The following CEP112 variants were observed in gnomAD, a reference collection of about 807,000 sequenced individuals.
CEP112 encodes centrosomal protein of 112 kDa.
CEP112 carries 127 observed loss-of-function variants against 153.0 expected under a neutral mutation model. The observed-to-expected ratio is 0.83, with a 90% CI of 0.72 to 0.96. The LOEUF (loss-of-function observed/expected upper bound fraction) is 0.96, where lower values mean the gene tolerates loss of function less well. Ranked by LOEUF, CEP112 falls within the 40% of genes least tolerant of loss-of-function variation. CEP112 has a pLI of 0.00. For synonymous variants in CEP112, 358 were observed against 374.4 expected (o/e 0.96, Z 0.51); for missense variants, 1,089 against 1,101.2 (o/e 0.99, Z 0.16).
At chr17:65,730,833 G>C (rs568065112) in intron 23 of CEP112, among the ~76,000 whole-genome samples, 7 of 139,818 alleles carry the variant, frequency 5.0e-5, no homozygotes, top group African/African-American at 1.9e-4. Flanking sequence ...ACTGGCAGCT[G>C]ACCTTGTCTT....
rs1745701991 is a variant in CEP112 at position 66,191,668 on chromosome 17, G to A, written c.-9+329C>T. On this transcript the variant is annotated intron_variant, in intron 1 of 26. Transcript: ENST00000535342. The surrounding 1 kb of genome is among the most constrained non-coding windows in gnomAD (Gnocchi z 4.2). ...CAGGCCGCGCTCCTACCTTGTCCAG[G>A]ACACAGATTTCCTCTCCCAGTCGCA... The A allele has an allele frequency of 6.5e-6, 1 of 153,060 alleles. No individual in the cohort carries two copies. Among genetic ancestry groups the A allele is most frequent in the Non-Finnish European group, 1.5e-5 (1 of 68,362 alleles). 9.5% of individuals were successfully genotyped at this position (153,060 alleles called of 1,614,324 possible). A position where few individuals can be genotyped will look rare whatever the true frequency, so the allele number is the denominator to read the frequency against.
At chr17:65,857,837 T>C (rs1298249023) in intron 20 of CEP112, among the ~76,000 whole-genome samples, 2 of 152,244 alleles carry the variant, frequency 1.3e-5, no homozygotes, top group African/African-American at 2.4e-5. Context: ...GTTTCTTAAA[T>C]ATTTAGTGGA....
chr17:65,637,325 G>A (rs1484648532), intron 25 of CEP112, 137 bp from the exon 26 acceptor site: 18 of 677,364 alleles, frequency 2.7e-5, no homozygotes, highest in Non-Finnish European at 4.5e-5. Context: ...TGTCAATGTT[G>A]TGTTTTTTAC....
chr17:65,771,237 TCAAA>T (rs1209389412), intron 21 of CEP112, among the ~76,000 whole-genome samples: 1 of 152,032 alleles, frequency 6.6e-6, no homozygotes, highest in Non-Finnish European at 1.5e-5. Context: ...CATATGAATA[TCAAA>T]CAAAGTGGAT....
intron 10 of CEP112, 127 bp downstream of exon 10, chr17:66,066,651 C>A: frequency 3.6e-6 from 2 of 561,450 alleles, no homozygotes; most frequent in South Asian, 3.1e-5. Flanking sequence ...AATATATCCA[C>A]TGATGAAACC....
At chr17:65,708,057 G>A (rs1390358021) in intron 23 of CEP112, among the ~76,000 whole-genome samples, 1 of 152,138 alleles carries the variant, frequency 6.6e-6, no homozygotes, top group Non-Finnish European at 1.5e-5. Flanking sequence ...AAAACGCTAA[G>A]GTTAGCATGG....
intron 19 of CEP112, among the ~76,000 whole-genome samples, chr17:65,922,432 T>C (rs1426701552): frequency 6.6e-6 from 1 of 152,198 alleles, no homozygotes; most frequent in Non-Finnish European, 1.5e-5. Flanking sequence ...TTTTATTTAG[T>C]CAAATGCATT....
At chr17:66,173,590 T>C (rs1398396625) in intron 4 of CEP112, among the ~76,000 whole-genome samples, 1 of 152,202 alleles carries the variant, frequency 6.6e-6, no homozygotes, top group African/African-American at 2.4e-5. Context: ...GCTGGACTCT[T>C]AGCAGATATT....
chr17:65,937,565 GTGGGGGGGGT>G (rs2061370440), intron 18 of CEP112, among the ~76,000 whole-genome samples: 1 of 98,612 alleles, frequency 1.0e-5, no homozygotes, highest in African/African-American at 3.6e-5. Context: ...CGGGAGGGAG[GTGGGGGGGGT>G]CAGCCCCCCA....
intron 23 of CEP112, among the ~76,000 whole-genome samples, chr17:65,692,333 A>G (rs953658642): frequency 1.3e-5 from 2 of 149,262 alleles, no homozygotes; most frequent in Admixed American, 6.8e-5. Flanking sequence ...GGTTCAAGCG[A>G]TTCTCCTGCC....
intron 18 of CEP112, among the ~76,000 whole-genome samples, chr17:65,959,453 C>T (rs1584043): frequency 0.43 from 64,925 of 152,116 alleles, 15,020 homozygotes; most frequent in East Asian, 0.87. Flanking sequence ...CAGGACCTGT[C>T]GAATGGCAGG....
intron 21 of CEP112, chr17:65,751,114 T>C (rs2051820712): frequency 6.0e-6 from 1 of 166,726 alleles, no homozygotes. Context: ...TAATACTTTT[T>C]CACCTTAATT....
In CEP112 at chr17:65,955,065, C is replaced by T. The variant is rs559258104; in HGVS notation, c.1872+6398G>A. On this transcript the variant is annotated intron_variant, in intron 18 of 26. Transcript: ENST00000535342. ...TCATCGCCTAGGCACATAGTCATCA[C>T]GTTATCTAAAGTCAAGACAAAGGAA... Among the ~76,000 whole-genome samples the T allele has an allele frequency of 6.6e-5, 10 of 152,128 alleles. No individual in the cohort carries two copies. In the South Asian group the frequency reaches 8.3e-4, roughly 13 times the overall value.
chr17:65,775,425 C>T (rs904805593), intron 21 of CEP112, among the ~76,000 whole-genome samples: 15 of 152,058 alleles, frequency 9.9e-5, no homozygotes, highest in Non-Finnish European at 1.8e-4. Flanking sequence ...CACGGTTTTC[C>T]CCACTTTGCA....
At chr17:66,175,564 CACTA>C (rs1022907367) in intron 3 of CEP112, among the ~76,000 whole-genome samples, 1 of 152,104 alleles carries the variant, frequency 6.6e-6, no homozygotes, top group Non-Finnish European at 1.5e-5. Flanking sequence ...TTTCTGTAAT[CACTA>C]ACTACTTTAC....
At chr17:66,038,904 G>A (rs1029693716) in intron 12 of CEP112, among the ~76,000 whole-genome samples, 2 of 152,164 alleles carry the variant, frequency 1.3e-5, no homozygotes, top group African/African-American at 4.8e-5. Context: ...ACAGGGAAGA[G>A]TAATTGGCAG....
chr17:65,662,926 A>G, intron 24 of CEP112, among the ~76,000 whole-genome samples: 1 of 152,140 alleles, frequency 6.6e-6, no homozygotes, highest in East Asian at 1.9e-4. Flanking sequence ...AGAGGCTCCT[A>G]TCTGAAGGAT....
chr17:65,885,520 A>G (rs1424498822), intron 20 of CEP112, among the ~76,000 whole-genome samples: 1 of 152,194 alleles, frequency 6.6e-6, no homozygotes, highest in East Asian at 1.9e-4. Flanking sequence ...TTAACTGCCT[A>G]TGCTTCATTA....
intron 21 of CEP112, among the ~76,000 whole-genome samples, chr17:65,771,716 G>A (rs982334432): frequency 6.6e-6 from 1 of 152,056 alleles, no homozygotes; most frequent in East Asian, 1.9e-4. Context: ...TAATATTAGA[G>A]TCAAAGAAAG....
Sources: gnomAD v4.1 joint callset for allele counts (sites outside exome capture counted in the v4.1 genomes callset) on GRCh38, gnomAD v4.1.1 for gene constraint, Gnocchi (gnomAD v3.1) non-coding constraint, MANE v1.5 for transcripts, NCBI Gene and HGNC (gene_info 2026-07-23, HGNC 2026-07-21) for gene names.